Variants in MAPK10 observed in about 807,000 individuals in gnomAD.
MAPK10 encodes the protein mitogen-activated protein kinase 10, also known as JNK3 alpha protein kinase.
MAPK10 carries 25 observed loss-of-function variants against 59.3 expected under a neutral mutation model. The observed-to-expected ratio is 0.42, with a 90% CI of 0.31 to 0.59. The LOEUF is 0.59. MAPK10 is among the 20% of genes least tolerant of loss of function. The probability of loss-of-function intolerance (pLI) is 0.15; values close to 1 mark genes in which losing one functional copy is unlikely to be tolerated. For missense variants in MAPK10, 351 were observed against 568.9 expected (o/e 0.62, Z 3.90); for synonymous variants, 190 against 200.5 (o/e 0.95, Z 0.44).
At chr4:86,285,148 C>G (rs574821971) in intron 2 of MAPK10, among the ~76,000 whole-genome samples, 2 of 151,968 alleles carry the variant, frequency 1.3e-5, no homozygotes, top group Admixed American at 6.5e-5. Context: ...CAGTAATGTG[C>G]TAATTTTAAC....
chr4:86,147,095 T>A (rs974598694), intron 4 of MAPK10, among the ~76,000 whole-genome samples: 2 of 145,948 alleles, frequency 1.4e-5, no homozygotes, highest in Non-Finnish European at 3.0e-5. Flanking sequence ...CTTCTTCTTA[T>A]TTTTTTTTTG....
intron 11 of MAPK10, among the ~76,000 whole-genome samples, chr4:86,047,193 G>C (rs2042653443): frequency 6.6e-6 from 1 of 152,080 alleles, no homozygotes; most frequent in African/African-American, 2.4e-5. Flanking sequence ...TTATGTTTTA[G>C]TGCCAGGTTA....
intron 6 of MAPK10, 51 bp downstream of exon 6, chr4:86,103,134 TG>T (rs1389503386): frequency 8.6e-5 from 93 of 1,075,898 alleles, no homozygotes; most frequent in Admixed American, 1.8e-4. Context: ...GATTTTCCCT[TG>T]GGCTATCTGA....
At chr4:86,146,109 C>T (rs893799014) in intron 4 of MAPK10, among the ~76,000 whole-genome samples, 2 of 152,190 alleles carry the variant, frequency 1.3e-5, no homozygotes, top group African/African-American at 4.8e-5. Flanking sequence ...TTAGCAAGAG[C>T]AGTTTCAACA....
chr4:86,142,063 G>C (rs2063755026), intron 4 of MAPK10, among the ~76,000 whole-genome samples: 1 of 152,136 alleles, frequency 6.6e-6, no homozygotes, highest in Admixed American at 6.5e-5. Context: ...TCTCTCAAGA[G>C]CAAAAATTCA....
intron 2 of MAPK10, among the ~76,000 whole-genome samples, chr4:86,196,386 C>T (rs1331284486): frequency 6.6e-6 from 1 of 152,138 alleles, no homozygotes; most frequent in Non-Finnish European, 1.5e-5. Flanking sequence ...TGTTCATATC[C>T]TTCACCCACT....
intron 1 of MAPK10, chr4:86,593,905 C>CT (rs1272163351): frequency 2.0e-5 from 3 of 152,230 alleles, no homozygotes; most frequent in Non-Finnish European, 4.4e-5. Context: ...GGAGCCAGCA[C>CT]TTACGCATTT....
At chr4:86,554,718 CATT>C (rs1350481378) in intron 1 of MAPK10, among the ~76,000 whole-genome samples, 1 of 152,194 alleles carries the variant, frequency 6.6e-6, no homozygotes, top group Non-Finnish European at 1.5e-5. Context: ...TTCCTAACAT[CATT>C]ATTTTCTTAC....
intron 1 of MAPK10, among the ~76,000 whole-genome samples, chr4:86,588,474 A>G (rs1204786373): frequency 2.6e-5 from 4 of 152,228 alleles, no homozygotes; most frequent in Admixed American, 2.6e-4. Context: ...AACAGAAATC[A>G]GATCATACTA....
chr4:86,459,424 G>A (rs1338268047), intron 1 of MAPK10, among the ~76,000 whole-genome samples: 2 of 152,166 alleles, frequency 1.3e-5, no homozygotes, highest in African/African-American at 4.8e-5. Context: ...CAGAGGAAAA[G>A]AAGTCACTAA....
At chr4:86,129,912 T>G (rs2060704695) in intron 4 of MAPK10, among the ~76,000 whole-genome samples, 1 of 152,198 alleles carries the variant, frequency 6.6e-6, no homozygotes. Context: ...CAAGACTCAC[T>G]TTAAAAATTA....
rs754218302 is a variant in MAPK10, at chr4:86,015,504, T to C, written c.*1724A>G. On this transcript the variant is annotated 3_prime_UTR_variant, in exon 14 of 14. Coordinates refer to ENST00000641462, the MANE Select transcript of MAPK10 (RefSeq NM_138982.4). ...ATGGTCAGAGTGCAAATAACTGTGATGGATACTTCGAAGTGAATAAGAAGG... is the reference window on the plus strand; with the variant it reads ...ATGGTCAGAGTGCAAATAACTGTGACGGATACTTCGAAGTGAATAAGAAGG... The C allele has an allele frequency of 6.6e-6, 1 of 152,206 alleles. No homozygotes were observed. The highest frequency in any genetic ancestry group is 1.5e-5 in the Non-Finnish European group (1 of 68,036). The allele number at this position is 152,206 out of a possible 1,614,324, so 9.4% of individuals were successfully genotyped here.
chr4:86,506,293 A>T (rs1755731870), intron 1 of MAPK10, among the ~76,000 whole-genome samples: 1 of 152,170 alleles, frequency 6.6e-6, no homozygotes, highest in Non-Finnish European at 1.5e-5. Context: ...TGAGTGAGGG[A>T]TATGCTAGAA....
At chr4:86,332,720 T>C (rs2096182849) in intron 2 of MAPK10, 1 of 152,180 alleles carries the variant, frequency 6.6e-6, no homozygotes, top group African/African-American at 2.4e-5. Flanking sequence ...GATGGTGATC[T>C]AACCAACCTA....
intron 1 of MAPK10, among the ~76,000 whole-genome samples, chr4:86,585,179 C>T (rs1022273600): frequency 2.6e-5 from 4 of 152,018 alleles, no homozygotes; most frequent in East Asian, 1.9e-4. Context: ...CCGTAATAAC[C>T]ATATCATTAG....
At chr4:86,572,495 CATGGGGT>C (rs1197305584) in intron 1 of MAPK10, among the ~76,000 whole-genome samples, 1 of 152,150 alleles carries the variant, frequency 6.6e-6, no homozygotes, top group Non-Finnish European at 1.5e-5. Flanking sequence ...ATTCTGTGTT[CATGGGGT>C]ATCTCCAACA....
rs553202820 is a variant in MAPK10, at chr4:86,358,420, A to T, written c.-122+1238T>A. 3 of 971,014 alleles carry T rather than the reference A, an allele frequency of 3.1e-6. No homozygotes were observed. The Admixed American group carries it at 1.8e-4, about 60-fold the overall frequency. The allele number at this position is 971,014 out of a possible 1,614,324, so 60.1% of individuals were successfully genotyped here. ...AACTGTAGTCTATCCCATATGACTT[A>T]GCCTGCTTCCTTGCAGTTTGTTCAT... On this transcript the variant is annotated intron_variant, in intron 1 of 13. Transcript: ENST00000641462.
At chr4:86,580,693 T>C (rs77575192) in intron 1 of MAPK10, among the ~76,000 whole-genome samples, 6,687 of 152,274 alleles carry the variant, frequency 0.044, 197 homozygotes, top group African/African-American at 0.052. Flanking sequence ...ATCAATTTTT[T>C]TCTAGCAAGA....
chr4:86,169,223 T>C (rs979126684), intron 3 of MAPK10, among the ~76,000 whole-genome samples: 1 of 152,170 alleles, frequency 6.6e-6, no homozygotes, highest in Non-Finnish European at 1.5e-5. Context: ...AGAATGACTT[T>C]GACGAGTTGA....
Sources: allele counts gnomAD v4.1 joint callset (sites outside exome capture counted in the v4.1 genomes callset), GRCh38; gene constraint gnomAD v4.1.1; transcripts MANE v1.5; gene names NCBI Gene and HGNC (gene_info 2026-07-23, HGNC 2026-07-21).